The following CPQ variants were observed in gnomAD, a reference collection of about 807,000 sequenced individuals.
The protein encoded by CPQ is Ser-Met dipeptidase.
Under a neutral mutation model 45.7 loss-of-function variants are expected in CPQ, and 37 were observed. That is an observed-to-expected ratio of 0.81 (90% CI 0.62 to 1.07). CPQ has a LOEUF of 1.07. Ranked by LOEUF, CPQ falls within the 50% of genes least tolerant of loss-of-function variation. The pLI is 0.00. For synonymous variants in CPQ, 186 were observed against 205.8 expected (o/e 0.90, Z 0.82); for missense variants, 537 against 572.9 (o/e 0.94, Z 0.64).
chr8:97,125,237 G>T (rs1563588022), intron 7 of CPQ, among the ~76,000 whole-genome samples: 1 of 152,098 alleles, frequency 6.6e-6, no homozygotes, highest in South Asian at 2.1e-4. Flanking sequence ...TAAATGAATT[G>T]AATTCATAAG....
At chr8:96,965,019 G>T (rs1414399697) in intron 4 of CPQ, among the ~76,000 whole-genome samples, 1 of 151,982 alleles carries the variant, frequency 6.6e-6, no homozygotes, top group Non-Finnish European at 1.5e-5. Context: ...TTCCTAAGAA[G>T]AATTTTAAAC....
intron 1 of CPQ, among the ~76,000 whole-genome samples, chr8:96,729,335 C>G (rs1586376253): frequency 1.3e-5 from 2 of 152,126 alleles, no homozygotes; most frequent in African/African-American, 4.8e-5. Flanking sequence ...TGTGTGAGGG[C>G]CTAGGATTGT....
chr8:96,692,229 A>G (rs975001544), intron 1 of CPQ, among the ~76,000 whole-genome samples: 4 of 152,226 alleles, frequency 2.6e-5, no homozygotes, highest in Non-Finnish European at 5.9e-5. Context: ...GAATTACAGT[A>G]GGCTTTCAGT....
chr8:96,736,281 C>T (rs943403937), intron 1 of CPQ, among the ~76,000 whole-genome samples: 1 of 152,170 alleles, frequency 6.6e-6, no homozygotes, highest in Non-Finnish European at 1.5e-5. Context: ...GTCAGATGCT[C>T]AGTCTCTACT....
At chr8:96,675,069 A>G (rs57314986) in intron 1 of CPQ, among the ~76,000 whole-genome samples, 181 of 152,200 alleles carry the variant, frequency 1.2e-3, no homozygotes, top group African/African-American at 4.2e-3. Flanking sequence ...AAGATGCATA[A>G]GTCAGAGAAA....
intron 7 of CPQ, among the ~76,000 whole-genome samples, chr8:97,140,863 A>G (rs1267667972): frequency 1.3e-5 from 2 of 152,064 alleles, no homozygotes; most frequent in Admixed American, 6.6e-5. Flanking sequence ...ATAGACAAAT[A>G]GATCACTGAA....
chr8:97,054,899 C>G (rs1251715377), intron 6 of CPQ, among the ~76,000 whole-genome samples: 2 of 152,152 alleles, frequency 1.3e-5, no homozygotes, highest in Non-Finnish European at 2.9e-5. Context: ...ACCAAAAAAC[C>G]ACTGTACCCC....
intron 1 of CPQ, among the ~76,000 whole-genome samples, chr8:96,676,354 G>A (rs10447975): frequency 0.054 from 8,250 of 151,856 alleles, 291 homozygotes; most frequent in Middle Eastern, 0.12. Flanking sequence ...AAGTAAGAGC[G>A]TGCAATATTT....
In CPQ at chr8:96,871,531, G is replaced by GTTTTTTTTTTTTTTTTTTTTTTTT. The variant is rs529360931; in HGVS notation, c.642-8265_642-8242dup. 1.9e-5 allele frequency among the ~76,000 whole-genome samples: 2 copies of GTTTTTTTTTTTTTTTTTTTTTTTT among 107,024 alleles called. 1 individual carries two copies. 70.2% of individuals were successfully genotyped at this position (107,024 alleles called of 152,430 possible). A position where few individuals can be genotyped will look rare whatever the true frequency, so the allele number is the denominator to read the frequency against. On this transcript the variant is annotated intron_variant, in intron 3 of 7. Transcript: ENST00000220763. The stretch of plus-strand genomic sequence containing the variant: ...TGATAGCTTCAGGCTTTGCTTCCAG[G>GTTTTTTTTTTTTTTTTTTTTTTTT]TTTTTTTTTTTTTTTTTTTTTTTTT...
chr8:97,036,263 G>A (rs933014562), intron 6 of CPQ, among the ~76,000 whole-genome samples: 4 of 152,212 alleles, frequency 2.6e-5, no homozygotes, highest in Non-Finnish European at 5.9e-5. Context: ...AGGGCATGAG[G>A]AGGAAGATTT....
chr8:96,730,094 T>C (rs1277230159), intron 1 of CPQ, among the ~76,000 whole-genome samples: 3 of 152,222 alleles, frequency 2.0e-5, no homozygotes, highest in African/African-American at 7.2e-5. Context: ...TCCATATTTT[T>C]GTGTCTTGCT....
At chr8:97,137,430 G>A (rs967159408) in intron 7 of CPQ, among the ~76,000 whole-genome samples, 4 of 152,138 alleles carry the variant, frequency 2.6e-5, no homozygotes, top group Non-Finnish European at 5.9e-5. Flanking sequence ...CACCCTCAGT[G>A]ACTTCTGTTC....
At chr8:97,047,200 A>T (rs534590010) in intron 6 of CPQ, among the ~76,000 whole-genome samples, 17 of 152,200 alleles carry the variant, frequency 1.1e-4, no homozygotes, top group Non-Finnish European at 2.1e-4. Context: ...TGTTTTCCTT[A>T]TTTCACACAT....
At chr8:96,857,020 G>A (rs898779847) in intron 3 of CPQ, among the ~76,000 whole-genome samples, 26 of 152,300 alleles carry the variant, frequency 1.7e-4, no homozygotes, top group East Asian at 1.9e-4. Context: ...ACCTGCTAGG[G>A]AAATTGTCCG....
Position 96,727,980 on chromosome 8 carries a change from G to A in CPQ, c.-34-56884G>A, listed in dbSNP as rs112246882. 4.5e-3 allele frequency among the ~76,000 whole-genome samples: 687 copies of A among 152,276 alleles called. 12 individuals are homozygous for A. The highest frequency in any genetic ancestry group is 0.015 in the African/African-American group (625 of 41,552). On this transcript the variant is annotated intron_variant, in intron 1 of 7. Transcript: ENST00000220763. ...CCTGGATTCAACCCATAGGTCGCCC[G>A]TTGGTGAACTTTGCCTCAAACTTTG... is the stretch of plus-strand genomic sequence containing the variant.
rs553916951 is a variant in CPQ at position 97,056,210 on chromosome 8, T to C, written c.1054-9799T>C. Among the ~76,000 whole-genome samples the C allele has an allele frequency of 3.3e-5, 5 of 152,236 alleles. No individual in the cohort carries two copies. In the East Asian group the frequency reaches 7.7e-4, roughly 23 times the overall value. ...GGAAACTAATACACAATTAGACATCTAAGTGGAGGTACTGAGTAGCTGTGG... is the reference window on the plus strand; with the variant it reads ...GGAAACTAATACACAATTAGACATCCAAGTGGAGGTACTGAGTAGCTGTGG... On this transcript the variant is annotated intron_variant, in intron 6 of 7. Coordinates refer to ENST00000220763, the MANE Select transcript of CPQ (RefSeq NM_016134.4).
intron 4 of CPQ, among the ~76,000 whole-genome samples, chr8:96,958,659 A>G (rs1813398204): frequency 6.6e-6 from 1 of 152,204 alleles, no homozygotes. Context: ...TGCGCCGCAG[A>G]TAAATTAGGT....
At chr8:96,948,035 G>T (rs1479093391) in intron 4 of CPQ, among the ~76,000 whole-genome samples, 5 of 151,900 alleles carry the variant, frequency 3.3e-5, no homozygotes, top group Non-Finnish European at 5.9e-5. Flanking sequence ...TACTTAGCGC[G>T]ACTCCTGCTT....
rs146717380 is a variant in CPQ, at chr8:96,804,151, T to C, written c.433+18821T>C. 1.7e-4 allele frequency among the ~76,000 whole-genome samples: 26 copies of C among 152,228 alleles called. No homozygotes were observed. In the East Asian group the frequency reaches 4.8e-3, roughly 28 times the overall value. ...CTAGAAGAGCAAAGGCATGCAGGTG[T>C]GAGAGTATAAGATGTGTTTGCTCAA... On this transcript the variant is annotated intron_variant, in intron 2 of 7. Transcript: ENST00000220763.
Sources: gnomAD v4.1 joint callset for allele counts (sites outside exome capture counted in the v4.1 genomes callset) on GRCh38, gnomAD v4.1.1 for gene constraint, MANE v1.5 for transcripts, NCBI Gene and HGNC (gene_info 2026-07-23, HGNC 2026-07-21) for gene names.